Variants in PLN observed in about 807,000 individuals in gnomAD.
The protein encoded by PLN is cardiac phospholamban.
In PLN, 1 loss-of-function variant was observed where a neutral mutation model predicts 3.9. The ratio of observed to expected loss-of-function variants is 0.26; its 90% CI spans 0.09 to 1.23. The LOEUF is 1.23. Among genes scored for constraint, PLN ranks in the 50% most tolerant of loss-of-function variants. PLN has a pLI of 0.48. For synonymous variants in PLN, 21 were observed against 20.5 expected, an observed-to-expected ratio of 1.02 and a Z score of -0.07; for missense variants, 59 against 62.7, an observed-to-expected ratio of 0.94 and a Z score of 0.20.
chr6:118,558,061 C>T (rs989525254), intron 1 of PLN, among the ~76,000 whole-genome samples: 4 of 151,758 alleles, frequency 2.6e-5, no homozygotes, highest in Admixed American at 1.3e-4. Flanking sequence ...GCCTCCTGGG[C>T]TCCAGCGATC....
At chr6:118,557,443 T>C (rs1333583813) in intron 1 of PLN, among the ~76,000 whole-genome samples, 1 of 152,186 alleles carries the variant, frequency 6.6e-6, no homozygotes, top group African/African-American at 2.4e-5. Flanking sequence ...CATTTCTATG[T>C]CATTTTGTTA....
At chr6:118,553,335 A>C (rs1454493189) in intron 1 of PLN, among the ~76,000 whole-genome samples, 2 of 152,156 alleles carry the variant, frequency 1.3e-5, no homozygotes, top group Admixed American at 1.3e-4. Context: ...AACTCCAAAA[A>C]TAGGATTCTG....
chr6:118,553,171 C>T (rs1266000830), intron 1 of PLN, among the ~76,000 whole-genome samples: 1 of 149,486 alleles, frequency 6.7e-6, no homozygotes, highest in African/African-American at 2.5e-5. Flanking sequence ...TGTATGCTTT[C>T]CATCGAAAAA....
intron 1 of PLN, among the ~76,000 whole-genome samples, chr6:118,556,101 C>T (rs1336708845): frequency 6.6e-6 from 1 of 152,160 alleles, no homozygotes; most frequent in African/African-American, 2.4e-5. Flanking sequence ...AATAGTGCTG[C>T]AATGAATATT....
rs992406918 is a variant in PLN at position 118,561,349 on chromosome 6, T to C, written c.*2269T>C. ...TGATTACACTGTTTGTTACAATATT[T>C]TTCTCAGTAAACAGAAATAACTAAT... On this transcript the variant is annotated 3_prime_UTR_variant, in exon 2 of 2. Transcript: ENST00000357525. Among the ~76,000 whole-genome samples, 13 of 152,154 alleles carry C rather than the reference T, an allele frequency of 8.5e-5. No individual in the cohort carries two copies. Among genetic ancestry groups the C allele is most frequent in the Non-Finnish European group, 1.6e-4 (11 of 67,998 alleles).
In PLN at chr6:118,560,637, C is replaced by T. The variant is rs1026814710; in HGVS notation, c.*1557C>T. ...TAGCTATTTTTCTTCCTCTATCAAC[C>T]AAATGGTAAGCATCTATTTTGCAGT... is the stretch of plus-strand genomic sequence containing the variant. On this transcript the variant is annotated 3_prime_UTR_variant, in exon 2 of 2. Coordinates refer to ENST00000357525, the MANE Select transcript of PLN (RefSeq NM_002667.5). 9.0e-5 allele frequency: 15 copies of T among 166,900 alleles called. No individual in the cohort carries two copies. Among genetic ancestry groups the T allele is most frequent in the African/African-American group, 3.6e-4 (15 of 41,422 alleles). 10.3% of individuals were successfully genotyped at this position (166,900 alleles called of 1,614,324 possible).
At chr6:118,550,549 A>C (rs956823337) in intron 1 of PLN, among the ~76,000 whole-genome samples, 1 of 151,876 alleles carries the variant, frequency 6.6e-6, no homozygotes, top group African/African-American at 2.4e-5. Flanking sequence ...TCTTAATTAT[A>C]TATTTGATAC....
At chr6:118,555,563 A>G (rs898404166) in intron 1 of PLN, among the ~76,000 whole-genome samples, 2 of 152,214 alleles carry the variant, frequency 1.3e-5, no homozygotes, top group African/African-American at 4.8e-5. Flanking sequence ...ATCTCAATAA[A>G]GAACAAAAGA....
chr6:118,549,370 T>C (rs1778400285), intron 1 of PLN, among the ~76,000 whole-genome samples: 1 of 151,944 alleles, frequency 6.6e-6, no homozygotes. Context: ...CTATTCTTTA[T>C]GTTACAATCC....
At chr6:118,551,560 A>G (rs958730257) in intron 1 of PLN, among the ~76,000 whole-genome samples, 2 of 152,038 alleles carry the variant, frequency 1.3e-5, no homozygotes, top group Non-Finnish European at 2.9e-5. Flanking sequence ...GCAAACCTAC[A>G]GACAATATAG....
intron 1 of PLN, among the ~76,000 whole-genome samples, chr6:118,550,724 TGACA>T (rs1273642138): frequency 6.6e-6 from 1 of 151,862 alleles, no homozygotes; most frequent in Admixed American, 6.6e-5. Context: ...ACCATGACAC[TGACA>T]AACAAAATTT....
At chr6:118,558,802 C>T (rs1409720269) in intron 1 of PLN, 23 bp from the exon 2 acceptor site, 6 of 736,728 alleles carry the variant, frequency 8.1e-6, no homozygotes, top group African/African-American at 1.7e-5. Flanking sequence ...GATTCTAATC[C>T]ATTTATTATT....
In PLN at chr6:118,559,277, G is replaced by C. The variant is rs1053616377; in HGVS notation, c.*197G>C. Reference sequence around the variant, plus strand: ...GTTGGATCTTGTAAACATGAAAAGGGCTTTATTTTCAAAAATTAACTTCAA... The same window carrying C: ...GTTGGATCTTGTAAACATGAAAAGGCCTTTATTTTCAAAAATTAACTTCAA... On this transcript the variant is annotated 3_prime_UTR_variant, in exon 2 of 2. Coordinates refer to ENST00000357525, the MANE Select transcript of PLN (RefSeq NM_002667.5). The C allele has an allele frequency of 3.4e-6, 2 of 589,604 alleles. No homozygotes were observed. The highest frequency in any genetic ancestry group is 3.8e-5 in the African/African-American group (2 of 53,300). 36.5% of individuals were successfully genotyped at this position (589,604 alleles called of 1,614,324 possible). A position where few individuals can be genotyped will look rare whatever the true frequency, so the allele number is the denominator to read the frequency against.
intron 1 of PLN, among the ~76,000 whole-genome samples, chr6:118,549,687 C>T (rs1778425411): frequency 6.6e-6 from 1 of 151,776 alleles, no homozygotes; most frequent in Admixed American, 6.6e-5. Context: ...ACATAAAAGT[C>T]ATTCAGTGTA....
At chr6:118,549,658 A>G (rs928931725) in intron 1 of PLN, among the ~76,000 whole-genome samples, 8 of 151,916 alleles carry the variant, frequency 5.3e-5, no homozygotes, top group African/African-American at 1.7e-4. Context: ...CTCTATACTC[A>G]TATTTTTCCT....
chr6:118,551,811 A>C (rs1190729878), intron 1 of PLN, among the ~76,000 whole-genome samples: 3 of 152,042 alleles, frequency 2.0e-5, no homozygotes, highest in African/African-American at 7.2e-5. Flanking sequence ...TTGCTACCAC[A>C]AAGTAACTTC....
chr6:118,553,773 T>G (rs1261768877), intron 1 of PLN, among the ~76,000 whole-genome samples: 1 of 152,150 alleles, frequency 6.6e-6, no homozygotes, highest in Non-Finnish European at 1.5e-5. Flanking sequence ...GCTCATCTCT[T>G]TAGGGCATAT....
At chr6:118,552,646 C>A (rs1177462913) in intron 1 of PLN, among the ~76,000 whole-genome samples, 1 of 151,838 alleles carries the variant, frequency 6.6e-6, no homozygotes, top group Non-Finnish European at 1.5e-5. Context: ...AACCAGAATA[C>A]CATCTTGAAC....
chr6:118,553,346 C>T (rs368259312), intron 1 of PLN, among the ~76,000 whole-genome samples: 20 of 152,156 alleles, frequency 1.3e-4, no homozygotes, highest in African/African-American at 4.6e-4. Context: ...TAGGATTCTG[C>T]TGTTCCCACA....
Sources: gnomAD v4.1 joint callset for allele counts (sites outside exome capture counted in the v4.1 genomes callset) on GRCh38, gnomAD v4.1.1 for gene constraint, MANE v1.5 for transcripts, NCBI Gene and HGNC (gene_info 2026-07-23, HGNC 2026-07-21) for gene names.